Variants in MSRB3 observed in about 807,000 individuals in gnomAD.
The protein encoded by MSRB3 is methionine-R-sulfoxide reductase B3.
A neutral mutation model predicts 21.0 loss-of-function variants in MSRB3; 13 were observed. The observed-to-expected ratio is 0.62, with a 90% CI of 0.40 to 0.98. The LOEUF (loss-of-function observed/expected upper bound fraction) is 0.98, where lower values mean the gene tolerates loss of function less well. MSRB3 is among the 50% of genes least tolerant of loss of function. MSRB3 has a pLI of 0.00. For missense variants in MSRB3, 199 were observed against 230.3 expected (o/e 0.86, Z 0.88); for synonymous variants, 87 against 88.6 (o/e 0.98, Z 0.10).
chr12:65,410,224 A>G (rs1880642893), intron 5 of MSRB3, among the ~76,000 whole-genome samples: 1 of 152,114 alleles, frequency 6.6e-6, no homozygotes, highest in Non-Finnish European at 1.5e-5. Context: ...TGCTTTATAT[A>G]TTAAGGATAT....
chr12:65,443,265 G>A (rs1882466793), intron 5 of MSRB3, among the ~76,000 whole-genome samples: 1 of 152,084 alleles, frequency 6.6e-6, no homozygotes, highest in African/African-American at 2.4e-5. Context: ...ACACCTCAGT[G>A]TTCTTGACAG....
At chr12:65,296,086 C>A (rs1178085284) in intron 1 of MSRB3, among the ~76,000 whole-genome samples, 2 of 152,182 alleles carry the variant, frequency 1.3e-5, no homozygotes, top group Non-Finnish European at 2.9e-5. Context: ...TTTCTTCATG[C>A]ATACACAAAG....
chr12:65,307,509 T>A (rs904881758), intron 1 of MSRB3, among the ~76,000 whole-genome samples: 2 of 152,186 alleles, frequency 1.3e-5, no homozygotes, highest in Non-Finnish European at 2.9e-5. Flanking sequence ...ACATTAATTT[T>A]ATATTAATTT....
intron 4 of MSRB3, among the ~76,000 whole-genome samples, chr12:65,335,986 A>G (rs1875740847): frequency 6.6e-6 from 1 of 152,236 alleles, no homozygotes; most frequent in African/African-American, 2.4e-5. Flanking sequence ...GTGGTGGCTT[A>G]CTTAAAGTTG....
chr12:65,365,629 C>G (rs1432015174), intron 4 of MSRB3, among the ~76,000 whole-genome samples: 1 of 152,008 alleles, frequency 6.6e-6, no homozygotes, highest in Non-Finnish European at 1.5e-5. Context: ...TAGGCCTGGA[C>G]CTAACATTTG....
rs1164261715 is a variant in MSRB3, at chr12:65,433,906, C to A, written c.293-19822C>A. 2.0e-5 allele frequency among the ~76,000 whole-genome samples: 3 copies of A among 151,768 alleles called. No homozygotes were observed. In the East Asian group the frequency reaches 5.8e-4, roughly 29 times the overall value. On this transcript the variant is annotated intron_variant, in intron 5 of 6. Transcript: ENST00000308259. ...GATGTGGCAGTTCAGGTTTTCTGAA[C>A]CACCTGATCTGCAGGGAGTACTTGA... is the stretch of plus-strand genomic sequence containing the variant.
chr12:65,344,831 G>GTCTA (rs1876381946), intron 4 of MSRB3, among the ~76,000 whole-genome samples: 1 of 152,040 alleles, frequency 6.6e-6, no homozygotes, highest in Non-Finnish European at 1.5e-5. Context: ...AGCTGTCAGG[G>GTCTA]TCTACTTCAG....
At position 65,376,151 on chromosome 12, in the gene MSRB3, G is replaced by T. The variant is rs1173389256; in HGVS notation, c.292+7125G>T. Among the ~76,000 whole-genome samples the T allele has an allele frequency of 2.9e-5, 4 of 136,376 alleles. 1 individual carries two copies. The highest frequency in any genetic ancestry group is 6.1e-5 in the Non-Finnish European group (4 of 65,580). The allele number at this position is 136,376 out of a possible 152,430, so 89.5% of individuals were successfully genotyped here. A position where few individuals can be genotyped will look rare whatever the true frequency, so the allele number is the denominator to read the frequency against. On this transcript the variant is annotated intron_variant, in intron 5 of 6. Coordinates refer to ENST00000308259, the MANE Select transcript of MSRB3 (RefSeq NM_001031679.3). ...TTTTTTTTTTTTGAGACGGAGTCTC[G>T]CTCTTTCGCCCAGGCCAGAGTGCAG...
At chr12:65,426,469 G>A (rs1881605631) in intron 5 of MSRB3, among the ~76,000 whole-genome samples, 1 of 152,048 alleles carries the variant, frequency 6.6e-6, no homozygotes, top group Non-Finnish European at 1.5e-5. Flanking sequence ...GCTGTTTTCA[G>A]AATTCTCTCT....
At chr12:65,392,364 T>C (rs1879528585) in intron 5 of MSRB3, among the ~76,000 whole-genome samples, 1 of 152,208 alleles carries the variant, frequency 6.6e-6, no homozygotes, top group African/African-American at 2.4e-5. Context: ...TACTTCTTGA[T>C]TATTAATGGA....
intron 5 of MSRB3, among the ~76,000 whole-genome samples, chr12:65,409,194 A>G (rs771575116): frequency 1.3e-5 from 2 of 151,306 alleles, no homozygotes; most frequent in Non-Finnish European, 2.9e-5. Context: ...GTGTATATAC[A>G]CACACACACA....
chr12:65,451,035 C>T (rs750108464), intron 5 of MSRB3, among the ~76,000 whole-genome samples: 1 of 152,188 alleles, frequency 6.6e-6, no homozygotes, highest in Non-Finnish European at 1.5e-5. Context: ...AGCAAAGCAA[C>T]TCAGCATTCT....
chr12:65,444,330 A>G (rs192059960), intron 5 of MSRB3, among the ~76,000 whole-genome samples: 2 of 152,350 alleles, frequency 1.3e-5, no homozygotes, highest in South Asian at 2.1e-4. Context: ...GGACCACAAG[A>G]TAATTAGGAA....
chr12:65,340,091 T>C (rs1876039885), intron 4 of MSRB3, among the ~76,000 whole-genome samples: 1 of 152,224 alleles, frequency 6.6e-6, no homozygotes, highest in South Asian at 2.1e-4. Context: ...AGTTAGGCTT[T>C]AAAATAACTG....
intron 4 of MSRB3, among the ~76,000 whole-genome samples, chr12:65,368,547 T>G (rs1274819389): frequency 6.6e-6 from 1 of 152,200 alleles, no homozygotes; most frequent in Non-Finnish European, 1.5e-5. Context: ...TCCTTCTTAT[T>G]AAATGTATGG....
intron 5 of MSRB3, among the ~76,000 whole-genome samples, chr12:65,453,270 A>C (rs1041382882): frequency 6.6e-6 from 1 of 152,202 alleles, no homozygotes; most frequent in Non-Finnish European, 1.5e-5. Flanking sequence ...TAACTATCCA[A>C]ACTAGGTACT....
chr12:65,280,856 C>T (rs12299094), intron 1 of MSRB3, among the ~76,000 whole-genome samples: 13,771 of 152,188 alleles, frequency 0.09, 1,636 homozygotes, highest in African/African-American at 0.27. Flanking sequence ...TTTTGCTCAA[C>T]TCAAAAGAAT....
intron 1 of MSRB3, chr12:65,286,531 G>A (rs1021488214): frequency 6.6e-6 from 1 of 152,122 alleles, no homozygotes; most frequent in Non-Finnish European, 1.5e-5. Context: ...TGATTTGCAT[G>A]TGAGTATACA....
At chr12:65,308,243 G>A (rs1427477477) in intron 1 of MSRB3, among the ~76,000 whole-genome samples, 2 of 152,144 alleles carry the variant, frequency 1.3e-5, no homozygotes, top group Non-Finnish European at 2.9e-5. Flanking sequence ...CAGTAAATGT[G>A]AATTCCTTTC....
Sources: allele counts gnomAD v4.1 joint callset (sites outside exome capture counted in the v4.1 genomes callset), GRCh38; gene constraint gnomAD v4.1.1; transcripts MANE v1.5; gene names NCBI Gene and HGNC (gene_info 2026-07-23, HGNC 2026-07-21).